Variants in ARHGAP42 observed in about 807,000 individuals in gnomAD.
ARHGAP42 encodes the protein Rho GTPase activating protein 42.
A neutral mutation model predicts 125.0 loss-of-function variants in ARHGAP42; 63 were observed. That is an observed-to-expected ratio of 0.50 (90% CI 0.41 to 0.62). The LOEUF is 0.62. Among genes scored for constraint, ARHGAP42 ranks in the 20% least tolerant of loss-of-function variants. ARHGAP42 has a pLI of 0.00. For missense variants in ARHGAP42, 766 were observed against 1,024.2 expected (o/e 0.75, Z 3.44); for synonymous variants, 339 against 351.0 (o/e 0.97, Z 0.38).
At chr11:100,883,926 T>A (rs1866021549) in intron 4 of ARHGAP42, among the ~76,000 whole-genome samples, 1 of 152,174 alleles carries the variant, frequency 6.6e-6, no homozygotes, top group African/African-American at 2.4e-5. Flanking sequence ...GGACAGTTTA[T>A]CATGTCTGGA....
chr11:100,700,397 A>G (rs1391707459), intron 1 of ARHGAP42, among the ~76,000 whole-genome samples: 3 of 151,440 alleles, frequency 2.0e-5, no homozygotes, highest in African/African-American at 7.2e-5. Context: ...GTTTTGTCCC[A>G]TTGATTGACT....
At chr11:100,836,986 C>T (rs1864804124) in intron 3 of ARHGAP42, among the ~76,000 whole-genome samples, 1 of 151,878 alleles carries the variant, frequency 6.6e-6, no homozygotes, top group African/African-American at 2.4e-5. Context: ...CTTATGTCGA[C>T]TTCATTGTAT....
intron 3 of ARHGAP42, among the ~76,000 whole-genome samples, chr11:100,832,693 T>G (rs990237129): frequency 6.6e-5 from 10 of 152,182 alleles, no homozygotes; most frequent in African/African-American, 2.4e-4. Flanking sequence ...GGATATTGAT[T>G]ATATTATTAG....
At chr11:100,832,988 G>A (rs936305299) in intron 3 of ARHGAP42, among the ~76,000 whole-genome samples, 4 of 152,200 alleles carry the variant, frequency 2.6e-5, no homozygotes, top group South Asian at 2.1e-4. Context: ...CATCACAGGC[G>A]ACTAGAATGT....
chr11:100,699,512 T>A (rs1426171638), intron 1 of ARHGAP42, among the ~76,000 whole-genome samples: 33 of 50,342 alleles, frequency 6.6e-4, no homozygotes, highest in African/African-American at 2.2e-3. Context: ...ATATATTTTT[T>A]TTTTTTTTTT....
At chr11:100,875,763 G>GGGA (rs1382856084) in intron 4 of ARHGAP42, among the ~76,000 whole-genome samples, 1 of 90,682 alleles carries the variant, frequency 1.1e-5, no homozygotes. Context: ...CAGGGTGGCG[G>GGGA]GGGGTGACTG....
chr11:100,960,915 G>A lies in ARHGAP42; in HGVS notation c.1226G>A (p.Gly409Asp), dbSNP rs1045480960. 6 of 1,518,692 alleles carry A rather than the reference G, an allele frequency of 4.0e-6. No homozygotes were observed. Among genetic ancestry groups the A allele is most frequent in the South Asian group, 3.9e-5 (3 of 76,518 alleles). The allele number at this position is 1,518,692 out of a possible 1,614,324, so 94.1% of individuals were successfully genotyped here. The part of the protein sequence containing the change: ...RKCIQAVETR[G>D]ITILGLYRIG... ...TTCTTGTGATTTTCCTTCCTATTAG[G>A]TATCACCATTTTAGGACTCTACCGA... Residue 409 changes from glycine to aspartate, a missense_variant and splice_region_variant, in exon 14 of 24, where the codon GGT (glycine) becomes GAT (aspartate). Transcript: ENST00000298815.
chr11:100,778,318 A>T (rs547358620), intron 2 of ARHGAP42, among the ~76,000 whole-genome samples: 1 of 152,304 alleles, frequency 6.6e-6, no homozygotes, highest in East Asian at 1.9e-4. Flanking sequence ...ATATTTTATT[A>T]AATTTGAGGA....
At chr11:100,972,622 C>A (rs1858279890) in intron 17 of ARHGAP42, among the ~76,000 whole-genome samples, 1 of 152,148 alleles carries the variant, frequency 6.6e-6, no homozygotes, top group Non-Finnish European at 1.5e-5. Flanking sequence ...CACTGACTTG[C>A]AGTCAGGAGA....
At chr11:100,941,147 C>T (rs1457194733) in intron 8 of ARHGAP42, among the ~76,000 whole-genome samples, 1 of 152,096 alleles carries the variant, frequency 6.6e-6, no homozygotes, top group African/African-American at 2.4e-5. Context: ...TGGGAAACAG[C>T]AACTACAAAT....
chr11:100,714,726 A>G (rs1315568219), intron 1 of ARHGAP42, among the ~76,000 whole-genome samples: 2 of 152,108 alleles, frequency 1.3e-5, no homozygotes, highest in Non-Finnish European at 2.9e-5. Flanking sequence ...ACTACAACAG[A>G]TAGACCTAAA....
intron 6 of ARHGAP42, among the ~76,000 whole-genome samples, chr11:100,931,202 G>T (rs11224520): frequency 0.092 from 14,054 of 152,132 alleles, 937 homozygotes; most frequent in Non-Finnish European, 0.13. Context: ...TCGTGACAGT[G>T]CTCTAAAAAT....
At chr11:100,771,885 C>A (rs991682060) in intron 2 of ARHGAP42, among the ~76,000 whole-genome samples, 2 of 152,108 alleles carry the variant, frequency 1.3e-5, no homozygotes, top group Admixed American at 1.3e-4. Flanking sequence ...CAGACGTGAG[C>A]CACTGCGCCC....
In ARHGAP42 at chr11:100,974,615, C is replaced by T. The variant is rs779090954; in HGVS notation, c.1855+12C>T. ...GGCCGAACCTGATAGTAAGTGCACC[C>T]GGCCTTAGGGAGATGCTTTCTTCAT... On this transcript the variant is annotated intron_variant, in intron 19 of 23. Coordinates refer to ENST00000298815, the MANE Select transcript of ARHGAP42 (RefSeq NM_152432.4). The T allele has an allele frequency of 1.4e-5, 22 of 1,547,838 alleles. No homozygotes were observed. Among genetic ancestry groups the T allele is most frequent in the South Asian group, 6.0e-5 (5 of 83,672 alleles).
intron 1 of ARHGAP42, among the ~76,000 whole-genome samples, chr11:100,763,200 T>C (rs901962281): frequency 4.0e-5 from 6 of 151,816 alleles, no homozygotes; most frequent in African/African-American, 1.5e-4. Context: ...AGGCTGGTCT[T>C]GAATTTCCGA....
chr11:100,866,550 G>A (rs1865574180), intron 4 of ARHGAP42, among the ~76,000 whole-genome samples: 1 of 152,174 alleles, frequency 6.6e-6, no homozygotes, highest in African/African-American at 2.4e-5. Context: ...TCACAGCCAT[G>A]TACAGGAAAC....
chr11:100,753,103 G>C (rs1272030587), intron 1 of ARHGAP42, among the ~76,000 whole-genome samples: 1 of 152,154 alleles, frequency 6.6e-6, no homozygotes, highest in African/African-American at 2.4e-5. Flanking sequence ...GTGGGAGCTG[G>C]GTCAGGCAGG....
chr11:100,807,449 G>A (rs1385483312), intron 3 of ARHGAP42, among the ~76,000 whole-genome samples: 1 of 152,136 alleles, frequency 6.6e-6, no homozygotes, highest in East Asian at 1.9e-4. Flanking sequence ...ACCCGCCTCG[G>A]TCTCCCAAAG....
chr11:100,983,591 G>A (rs1017189366), intron 22 of ARHGAP42, among the ~76,000 whole-genome samples: 2 of 152,122 alleles, frequency 1.3e-5, no homozygotes, highest in African/African-American at 4.8e-5. Flanking sequence ...CACAATAGAT[G>A]CTCAATAAAA....
Sources: allele counts gnomAD v4.1 joint callset (sites outside exome capture counted in the v4.1 genomes callset), GRCh38; gene constraint gnomAD v4.1.1; transcripts MANE v1.5; gene names NCBI Gene and HGNC (gene_info 2026-07-23, HGNC 2026-07-21).